Variants in DIAPH3 observed in about 807,000 individuals in gnomAD.
DIAPH3 encodes the protein protein diaphanous homolog 3.
DIAPH3 carries 117 observed loss-of-function variants against 144.3 expected under a neutral mutation model. The ratio of observed to expected loss-of-function variants is 0.81; its 90% CI spans 0.70 to 0.95. DIAPH3 has a LOEUF of 0.95. DIAPH3 is among the 40% of genes least tolerant of loss of function. DIAPH3 has a pLI of 0.00. For missense variants in DIAPH3, 1,421 were observed against 1,412.7 expected, an observed-to-expected ratio of 1.01 and a Z score of -0.09; for synonymous variants, 519 against 488.9, an observed-to-expected ratio of 1.06 and a Z score of -0.81.
rs185777343 is a variant in DIAPH3, at chr13:59,840,407, T to C, written c.2738-959A>G. Among the ~76,000 whole-genome samples, 17 of 152,180 alleles carry C rather than the reference T, an allele frequency of 1.1e-4. No individual in the cohort carries two copies. The East Asian group carries it at 3.3e-3, about 29-fold the overall frequency. On this transcript the variant is annotated intron_variant, in intron 22 of 27. Coordinates refer to ENST00000400324, the MANE Select transcript of DIAPH3 (RefSeq NM_001042517.2). The stretch of plus-strand genomic sequence containing the variant: ...ATGGGTGCAATTCAAGTTTTATCTA[T>C]AAGGATAGGAATATCCTTGGAAGCA...
intron 24 of DIAPH3, among the ~76,000 whole-genome samples, chr13:59,825,718 A>G (rs1439956601): frequency 2.6e-5 from 4 of 152,056 alleles, no homozygotes; most frequent in African/African-American, 4.8e-5. Flanking sequence ...ACTTTTTAAT[A>G]ATTGCCATTC....
intron 22 of DIAPH3, among the ~76,000 whole-genome samples, chr13:59,846,766 G>C (rs2042658064): frequency 6.6e-6 from 1 of 152,108 alleles, no homozygotes; most frequent in Non-Finnish European, 1.5e-5. Context: ...GTTCGTAACA[G>C]GCAAAGATAA....
intron 17 of DIAPH3, among the ~76,000 whole-genome samples, chr13:59,932,860 C>CT (rs1422010482): frequency 6.6e-6 from 1 of 152,086 alleles, no homozygotes; most frequent in Admixed American, 6.6e-5. Context: ...AAGAGAAATA[C>CT]TTTTTTGTTG....
At chr13:59,886,027 T>C (rs1482898552) in intron 20 of DIAPH3, among the ~76,000 whole-genome samples, 1 of 152,170 alleles carries the variant, frequency 6.6e-6, no homozygotes, top group Non-Finnish European at 1.5e-5. Flanking sequence ...ATGAGTGTTT[T>C]CATTTCTATT....
chr13:59,833,238 T>C lies in DIAPH3; in HGVS notation c.2896A>G (p.Thr966Ala), dbSNP rs998618822. 1 of 1,609,416 alleles carries C rather than the reference T, an allele frequency of 6.2e-7. No individual in the cohort carries two copies. The highest frequency in any genetic ancestry group is 1.7e-5 in the Admixed American group (1 of 59,650). The change falls in exon 24 of 28, where the codon ACA becomes GCA. Residue 966 changes from threonine (T) to alanine (A), a missense_variant. Transcript: ENST00000400324. ...FVISAKEQYE[T>A]LSKLHENMEK... ...ATGTTTTCGTGTAACTTCGAAAGTG[T>C]CTCATATTGTTCTTTTGCACTGATA...
rs145770740 is a variant in DIAPH3 at position 60,131,246 on chromosome 13, T to A, written c.213+1711A>T. Among the ~76,000 whole-genome samples, 3 of 151,506 alleles carry A rather than the reference T, an allele frequency of 2.0e-5. No homozygotes were observed. In the South Asian group the frequency reaches 6.3e-4, roughly 32 times the overall value. ...GAGTTTAAACCCAGCCTGGGCAACA[T>A]AGGGAGATCTTGTCTCTCCAAAAAA... is the stretch of plus-strand genomic sequence containing the variant. On this transcript the variant is annotated intron_variant, in intron 2 of 27. Coordinates refer to ENST00000400324, the MANE Select transcript of DIAPH3 (RefSeq NM_001042517.2).
At chr13:59,829,395 T>C (rs1228360976) in intron 24 of DIAPH3, among the ~76,000 whole-genome samples, 1 of 151,856 alleles carries the variant, frequency 6.6e-6, no homozygotes, top group South Asian at 2.1e-4. Flanking sequence ...CAGCCACATA[T>C]GGTATAGACT....
At chr13:60,133,767 T>C (rs142716326) in intron 1 of DIAPH3, among the ~76,000 whole-genome samples, 284 of 152,258 alleles carry the variant, frequency 1.9e-3, no homozygotes, top group African/African-American at 6.4e-3. Context: ...GGGAAAGATA[T>C]TGTATTCAAG....
rs753193537 is a variant in DIAPH3 at position 59,983,133 on chromosome 13, T to G, written c.1480+636A>C. Among the ~76,000 whole-genome samples the G allele has an allele frequency of 2.8e-4, 33 of 119,040 alleles. No individual in the cohort carries two copies. In the East Asian group the frequency reaches 6.0e-3, roughly 22 times the overall value. 78.1% of individuals were successfully genotyped at this position (119,040 alleles called of 152,430 possible). On this transcript the variant is annotated intron_variant, in intron 13 of 27. Transcript: ENST00000400324. ...GTTACAACACTAAATAATAATGCTT[T>G]ATCTTTAAAAAAAAAAAAAAAAAAA...
intron 17 of DIAPH3, among the ~76,000 whole-genome samples, chr13:59,948,117 C>G (rs1005985349): frequency 6.6e-6 from 1 of 152,136 alleles, no homozygotes; most frequent in Non-Finnish European, 1.5e-5. Flanking sequence ...TAAAGCTAAT[C>G]TGAAAGAGAC....
chr13:60,014,307 G>T (rs2053482743), intron 7 of DIAPH3, among the ~76,000 whole-genome samples: 1 of 152,054 alleles, frequency 6.6e-6, no homozygotes, highest in African/African-American at 2.4e-5. Context: ...TCAGCAATTT[G>T]ATTCTTTCAT....
intron 5 of DIAPH3, among the ~76,000 whole-genome samples, chr13:60,037,975 A>G (rs1188929907): frequency 6.6e-6 from 1 of 152,108 alleles, no homozygotes; most frequent in African/African-American, 2.4e-5. Context: ...AGAAGAATGC[A>G]TGGAAGATGA....
chr13:60,002,936 G>C (rs2052605970), intron 9 of DIAPH3, among the ~76,000 whole-genome samples: 1 of 152,158 alleles, frequency 6.6e-6, no homozygotes, highest in South Asian at 2.1e-4. Context: ...AAAAGAAAAA[G>C]AGGAGAGAAA....
chr13:59,811,001 T>C, intron 24 of DIAPH3, 78 bp from the exon 25 acceptor site: 3 of 1,310,372 alleles, frequency 2.3e-6, no homozygotes, highest in Non-Finnish European at 3.2e-6. Context: ...TTTGAAAATA[T>C]GCTTAAGGTA....
At chr13:60,045,183 G>A (rs1207296617) in intron 4 of DIAPH3, among the ~76,000 whole-genome samples, 1 of 151,770 alleles carries the variant, frequency 6.6e-6, no homozygotes, top group Non-Finnish European at 1.5e-5. Context: ...TCTACTAAAA[G>A]TACAAAATTA....
intron 17 of DIAPH3, among the ~76,000 whole-genome samples, chr13:59,960,827 A>AG (rs1421315692): frequency 2.0e-5 from 3 of 152,100 alleles, no homozygotes; most frequent in Non-Finnish European, 4.4e-5. Context: ...ATTAGGCCCC[A>AG]GTCCCATAAA....
At chr13:60,025,062 A>G (rs2054285260) in intron 5 of DIAPH3, among the ~76,000 whole-genome samples, 1 of 151,988 alleles carries the variant, frequency 6.6e-6, no homozygotes, top group South Asian at 2.1e-4. Flanking sequence ...AATCCAGGCT[A>G]CCCACTTTGC....
intron 3 of DIAPH3, among the ~76,000 whole-genome samples, chr13:60,105,825 T>C (rs1171270502): frequency 6.6e-6 from 1 of 152,210 alleles, no homozygotes; most frequent in Non-Finnish European, 1.5e-5. Flanking sequence ...TAGGAATCTA[T>C]AGCAGTCAAT....
chr13:59,815,234 A>G (rs565462040), intron 24 of DIAPH3, among the ~76,000 whole-genome samples: 2 of 152,276 alleles, frequency 1.3e-5, no homozygotes, highest in South Asian at 4.1e-4. Flanking sequence ...GTTTTAGTCC[A>G]TTTGATCAAT....
Sources: allele counts gnomAD v4.1 joint callset (sites outside exome capture counted in the v4.1 genomes callset), GRCh38; gene constraint gnomAD v4.1.1; transcripts MANE v1.5; gene names NCBI Gene and HGNC (gene_info 2026-07-23, HGNC 2026-07-21).